Variants in GABRA3 observed in about 807,000 individuals in gnomAD.
The protein encoded by GABRA3 is gamma-aminobutyric acid receptor subunit alpha-3.
GABRA3 carries 10 observed loss-of-function variants against 30.1 expected under a neutral mutation model. The observed-to-expected ratio is 0.33, with a 90% confidence interval of 0.20 to 0.56. GABRA3 has a LOEUF of 0.56. Ranked by LOEUF, GABRA3 falls within the 20% of genes least tolerant of loss-of-function variation. The pLI, the probability that GABRA3 is intolerant of heterozygous loss-of-function variation, is 0.89. For missense variants in GABRA3, 233 were observed against 392.0 expected (o/e 0.59, Z 3.42); for synonymous variants, 151 against 146.8 (o/e 1.03, Z -0.21).
At position 152,333,104 on chromosome X, in the gene GABRA3, G is replaced by A. The variant is rs112657145; in HGVS notation, c.262+12477C>T. On this transcript the variant is annotated intron_variant, in intron 3 of 9. Coordinates refer to ENST00000370314, the MANE Select transcript of GABRA3 (RefSeq NM_000808.4). The stretch of plus-strand genomic sequence containing the variant: ...GTGATCCTTGGCATTGCTTAGAGGC[G>A]AAAGATCTGGGTGTGATCCTGGTAG... Among the ~76,000 whole-genome samples the A allele has an allele frequency of 7.9e-3, 887 of 111,633 alleles. 11 individuals carry two copies. Among genetic ancestry groups the A allele is most frequent in the African/African-American group, 0.028 (847 of 30,720 alleles).
chrX:152,281,927 T>C (rs1344779522), intron 4 of GABRA3, among the ~76,000 whole-genome samples: 6 of 112,227 alleles, frequency 5.3e-5, no homozygotes. Context: ...TTTGATTTGT[T>C]CCTTCTCATT....
intron 1 of GABRA3, among the ~76,000 whole-genome samples, chrX:152,417,710 T>C (rs1439340370): frequency 4.1e-5 from 4 of 97,010 alleles, no homozygotes; most frequent in Non-Finnish European, 6.2e-5. Flanking sequence ...AAATGATGAG[T>C]TCATGTCCTT....
At chrX:152,225,763 A>C (rs1937939384) in intron 5 of GABRA3, among the ~76,000 whole-genome samples, 1 of 109,951 alleles carries the variant, frequency 9.1e-6, no homozygotes, top group Non-Finnish European at 1.9e-5. Context: ...TCACACAGCA[A>C]AACCTAAGAG....
At chrX:152,207,919 A>T (rs982698237) in intron 7 of GABRA3, 82 bp downstream of exon 7, 10 of 858,622 alleles carry the variant, frequency 1.2e-5, no homozygotes, top group Non-Finnish European at 1.6e-5. Flanking sequence ...TTGAAGATTA[A>T]GTAAGTTATA....
At chrX:152,206,747 CTT>C (rs1937550121) in intron 7 of GABRA3, among the ~76,000 whole-genome samples, 1 of 111,723 alleles carries the variant, frequency 9.0e-6, no homozygotes, top group Non-Finnish European at 1.9e-5. Flanking sequence ...AAGCCAGGCA[CTT>C]GACCCCAGCA....
intron 9 of GABRA3, among the ~76,000 whole-genome samples, chrX:152,172,981 CAT>C (rs1491016996): frequency 1.3e-4 from 14 of 105,437 alleles, no homozygotes; most frequent in African/African-American, 4.9e-4. Context: ...CACACACACA[CAT>C]ATATACACAT....
intron 6 of GABRA3, among the ~76,000 whole-genome samples, chrX:152,224,070 TTC>T (rs1181029660): frequency 9.0e-6 from 1 of 111,608 alleles, no homozygotes; most frequent in East Asian, 2.8e-4. Context: ...CAAATGCACT[TTC>T]TGTTTCAAAA....
At chrX:152,254,273 T>C (rs1045724596) in intron 5 of GABRA3, among the ~76,000 whole-genome samples, 1 of 111,097 alleles carries the variant, frequency 9.0e-6, no homozygotes, top group Admixed American at 9.6e-5. Context: ...TTTTCCTCTT[T>C]ATTCCCATCT....
intron 1 of GABRA3, among the ~76,000 whole-genome samples, chrX:152,385,250 C>T (rs184309142): frequency 1.9e-4 from 21 of 111,645 alleles, no homozygotes; most frequent in Admixed American, 1.8e-3. Context: ...TGTACTATTT[C>T]TACTGTTAGA....
intron 3 of GABRA3, among the ~76,000 whole-genome samples, chrX:152,286,778 T>G (rs13441023): frequency 9.0e-6 from 1 of 111,580 alleles, no homozygotes; most frequent in Non-Finnish European, 1.9e-5. Flanking sequence ...AGACTATGAG[T>G]ATCATTTAAT....
At chrX:152,245,692 C>A (rs759842249) in intron 5 of GABRA3, among the ~76,000 whole-genome samples, 1 of 111,895 alleles carries the variant, frequency 8.9e-6, no homozygotes, top group South Asian at 3.8e-4. Context: ...CCTGGAATAC[C>A]CTTTCCTTTT....
At chrX:152,173,821 G>C (rs912573678) in intron 9 of GABRA3, among the ~76,000 whole-genome samples, 1 of 110,086 alleles carries the variant, frequency 9.1e-6, no homozygotes, top group Admixed American at 9.7e-5. Context: ...TTAAGTTTTA[G>C]GGTACATGTG....
chrX:152,322,774 T>A (rs1387440857), intron 3 of GABRA3, among the ~76,000 whole-genome samples: 1 of 105,417 alleles, frequency 9.5e-6, no homozygotes, highest in East Asian at 3.0e-4. Context: ...CCTCAGGTGA[T>A]CCACCCACTC....
chrX:152,318,552 T>G (rs1481583925), intron 3 of GABRA3, among the ~76,000 whole-genome samples: 1 of 111,442 alleles, frequency 9.0e-6, no homozygotes, highest in African/African-American at 3.3e-5. Flanking sequence ...ATATCCATGA[T>G]GAACATAGAT....
chrX:152,314,570 C>T (rs1939844372), intron 3 of GABRA3, among the ~76,000 whole-genome samples: 1 of 111,876 alleles, frequency 8.9e-6, no homozygotes, highest in Non-Finnish European at 1.9e-5. Context: ...TACAGCCCAT[C>T]CCAACTGGTT....
chrX:152,425,642 A>G lies in GABRA3; in HGVS notation c.-27+25504T>C, dbSNP rs192293007. ...TAATATTGTGCCCTTAGTGCATCAC[A>G]TCAGGAGACACATGATTGTTTTTTA... On this transcript the variant is annotated intron_variant, in intron 1 of 9. Coordinates refer to ENST00000370314, the MANE Select transcript of GABRA3 (RefSeq NM_000808.4). 6.3e-5 allele frequency among the ~76,000 whole-genome samples: 7 copies of G among 111,307 alleles called. No homozygotes were observed. In the East Asian group the frequency reaches 2.0e-3, roughly 32 times the overall value.
At chrX:152,327,460 T>C (rs926553254) in intron 3 of GABRA3, among the ~76,000 whole-genome samples, 5 of 111,763 alleles carry the variant, frequency 4.5e-5, no homozygotes, top group Non-Finnish European at 9.4e-5. Context: ...AGAAAAGCAC[T>C]CCTTAGCAAA....
At chrX:152,182,485 C>T (rs758374579) in intron 9 of GABRA3, among the ~76,000 whole-genome samples, 4 of 84,340 alleles carry the variant, frequency 4.7e-5, no homozygotes, top group Non-Finnish European at 9.0e-5. Flanking sequence ...ATATAGTATA[C>T]ATACTATATA....
intron 1 of GABRA3, among the ~76,000 whole-genome samples, chrX:152,384,877 A>C (rs111307744): frequency 8.9e-6 from 1 of 112,025 alleles, no homozygotes; most frequent in East Asian, 2.8e-4. Context: ...CATTATCCAA[A>C]GAATTCCTAC....
Sources: allele counts gnomAD v4.1 joint callset (sites outside exome capture counted in the v4.1 genomes callset), GRCh38; gene constraint gnomAD v4.1.1; transcripts MANE v1.5; gene names NCBI Gene and HGNC (gene_info 2026-07-23, HGNC 2026-07-21).